Variants in SOX13 observed in about 807,000 individuals in gnomAD.
SOX13 encodes SRY-box transcription factor 13, also known as transcription factor SOX-13.
In SOX13, 28 loss-of-function variants were observed where a neutral mutation model predicts 71.8. The observed-to-expected ratio is 0.39, with a 90% CI of 0.29 to 0.53. SOX13 has a LOEUF of 0.53. Ranked by LOEUF, SOX13 falls within the 20% of genes least tolerant of loss-of-function variation. The pLI, the probability that SOX13 is intolerant of heterozygous loss-of-function variation, is 0.70. For synonymous variants in SOX13, 309 were observed against 317.8 expected, an observed-to-expected ratio of 0.97 and a Z score of 0.29; for missense variants, 627 against 810.3, an observed-to-expected ratio of 0.77 and a Z score of 2.75.
rs201772428 is a variant in SOX13, at chr1:204,122,959, G to A, written c.1130G>A (p.Arg377His). ...ALDGSPNTPF[R>H]KDLISLDSSP... Reference sequence around the variant, plus strand: ...GATGGCTCCCCCAACACCCCCTTCCGTAAGGTATGGTCCCCCACTCCCTTG... The same window carrying A: ...GATGGCTCCCCCAACACCCCCTTCCATAAGGTATGGTCCCCCACTCCCTTG... Residue 377 changes from arginine to histidine, a missense_variant, in exon 10 of 14, where the codon CGT becomes CAT. By Grantham distance (29) the Arg-to-His change is conservative. This residue lies in a region of SOX13 where 447 missense variants were observed against 532.2 expected (regional missense o/e 0.84). Transcript: ENST00000367204. The A allele has an allele frequency of 1.4e-3, 2,136 of 1,578,542 alleles. 2 individuals carry two copies. The highest frequency in any genetic ancestry group is 1.6e-3 in the South Asian group (142 of 87,444).
At chr1:204,124,574 C>A in intron 12 of SOX13, 67 bp from the exon 13 acceptor site, 2 of 1,383,058 alleles carry the variant, frequency 1.4e-6, no homozygotes, top group Non-Finnish European at 2.0e-6. Flanking sequence ...TTCTCAGGTC[C>A]TGCATGGGGC....
At chr1:204,075,907 A>C (rs890445408) in intron 1 of SOX13, among the ~76,000 whole-genome samples, 1 of 152,234 alleles carries the variant, frequency 6.6e-6, no homozygotes, top group African/African-American at 2.4e-5. Flanking sequence ...TACAGAGCCC[A>C]GAAGAGCACT....
intron 1 of SOX13, among the ~76,000 whole-genome samples, chr1:204,076,843 A>G (rs1655795750): frequency 6.6e-6 from 1 of 152,234 alleles, no homozygotes; most frequent in South Asian, 2.1e-4. Context: ...ACCACCTGCT[A>G]TGTGCCAGGG....
At chr1:204,089,316 G>A (rs190218156) in intron 1 of SOX13, among the ~76,000 whole-genome samples, 158 of 152,286 alleles carry the variant, frequency 1.0e-3, no homozygotes, top group Non-Finnish European at 1.9e-3. Flanking sequence ...GTGTGGGGAG[G>A]CACTCCTCTG....
chr1:204,124,624 C>G lies in SOX13; in HGVS notation c.1376-17C>G. ...AGAGCCCAGCACTGACTGCCTGCCC[C>G]TGGGGGGTTGGGTCAGGATCTCGCT... On this transcript the variant is annotated splice_polypyrimidine_tract_variant and intron_variant, in intron 12 of 13. Transcript: ENST00000367204. 1 of 1,597,400 alleles carries G rather than the reference C, an allele frequency of 6.3e-7. No homozygotes were observed. The highest frequency in any genetic ancestry group is 8.5e-7 in the Non-Finnish European group (1 of 1,172,504).
At position 204,116,802 on chromosome 1, in the gene SOX13, G is replaced by A. The variant is rs529911479; in HGVS notation, c.591+123G>A. The A allele has an allele frequency of 1.0e-5, 15 of 1,502,080 alleles. No individual in the cohort carries two copies. The African/African-American group carries it at 1.5e-4, about 15-fold the overall frequency. The allele number at this position is 1,502,080 out of a possible 1,614,324, so 93.0% of individuals were successfully genotyped here. A position where few individuals can be genotyped will look rare whatever the true frequency, so the allele number is the denominator to read the frequency against. On this transcript the variant is annotated intron_variant, in intron 5 of 13. Transcript: ENST00000367204. ...CTGGGGCCTGGGGGCAGGCTGGGCA[G>A]GGTCTGTGGCCAGGGGCTGTAGGAT...
intron 1 of SOX13, among the ~76,000 whole-genome samples, chr1:204,087,214 G>A (rs192381540): frequency 1.1e-3 from 170 of 152,338 alleles, no homozygotes; most frequent in African/African-American, 3.9e-3. Flanking sequence ...GAGCCACCGC[G>A]CCCAGCTTTT....
At chr1:204,118,041 C>G (rs1656729685) in intron 7 of SOX13, 1 of 207,914 alleles carries the variant, frequency 4.8e-6, no homozygotes, top group African/African-American at 2.3e-5. Flanking sequence ...AATCCCAGCA[C>G]TTTGGGAGGC....
intron 1 of SOX13, among the ~76,000 whole-genome samples, chr1:204,103,383 G>A (rs1212310471): frequency 6.6e-6 from 1 of 152,224 alleles, no homozygotes; most frequent in Non-Finnish European, 1.5e-5. Context: ...TAAATGAAAG[G>A]ATGTGGATTT....
In SOX13 at chr1:204,116,705, T is replaced by C. The variant is rs559738133; in HGVS notation, c.591+26T>C. The C allele has an allele frequency of 3.5e-5, 56 of 1,610,130 alleles. No individual in the cohort carries two copies. The South Asian group carries it at 6.0e-4, about 17-fold the overall frequency. ...GTAGGTCCTGTTCGGTGGGTGTAGC[T>C]TTCTTTCCAGGAAAAGGAGTGTGTC... On this transcript the variant is annotated intron_variant, in intron 5 of 13. Transcript: ENST00000367204.
chr1:204,100,471 G>A (rs762964373), intron 1 of SOX13, among the ~76,000 whole-genome samples: 17 of 152,150 alleles, frequency 1.1e-4, no homozygotes, highest in Non-Finnish European at 2.1e-4. Flanking sequence ...GTGAAAGCTG[G>A]CTGCTTTGGG....
chr1:204,114,124 C>A (rs1033168305), intron 2 of SOX13, among the ~76,000 whole-genome samples, 197 bp from the exon 3 acceptor site: 8 of 152,196 alleles, frequency 5.3e-5, no homozygotes, highest in African/African-American at 1.7e-4. Context: ...AAACCCAGGT[C>A]TTTTGTTTTG....
At chr1:204,087,504 C>G (rs1187906470) in intron 1 of SOX13, among the ~76,000 whole-genome samples, 1 of 152,222 alleles carries the variant, frequency 6.6e-6, no homozygotes, top group Non-Finnish European at 1.5e-5. Flanking sequence ...TCTCCCCTTT[C>G]TGTCTGTGCT....
At position 204,122,311 on chromosome 1, in the gene SOX13, C is replaced by A; in HGVS notation, c.936C>A (p.Ser312Arg). Residue 312 changes from serine (S) to arginine (R), a missense_variant, in exon 9 of 14, where the codon AGC becomes AGA. Ser to Arg is a moderately radical substitution (Grantham distance 110). This residue lies in a region of SOX13 where 447 missense variants were observed against 532.2 expected (regional missense o/e 0.84). Transcript: ENST00000367204. The part of the protein sequence containing the change: ...PELPNTSSSP[S>R]LKMSSCVPRP... ...TGCCCAACACCTCCAGCTCCCCAAG[C>A]CTGAAGATGAGCAGCTGTGTGCCCC... The A allele has an allele frequency of 1.3e-6, 2 of 1,581,810 alleles. No homozygotes were observed. The highest frequency in any genetic ancestry group is 1.8e-5 in the Admixed American group (1 of 55,562).
chr1:204,076,365 G>A (rs181440454), intron 1 of SOX13, among the ~76,000 whole-genome samples: 568 of 152,300 alleles, frequency 3.7e-3, no homozygotes, highest in African/African-American at 0.013. Context: ...AATGGGCTGG[G>A]ACTGTCCCAG....
intron 12 of SOX13, among the ~76,000 whole-genome samples, chr1:204,124,383 G>A (rs1272010013): frequency 6.6e-6 from 1 of 152,252 alleles, no homozygotes; most frequent in Non-Finnish European, 1.5e-5. Context: ...AGAGGCTCAA[G>A]GAAGTTGCTG....
rs1656886359 is a variant in SOX13 at position 204,124,810 on chromosome 1, C to T, written c.1545C>T (p.Ala515=). ...GGCTGCGCGTGGGAGAGTACAAGGC[C>T]CTGATGAGGACCCGGCGTCAGGATG... ...GKRLRVGEYK[A]LMRTRRQDAR... Residue 515 remains alanine (A), a synonymous_variant, in exon 13 of 14, where the codon GCC becomes GCT. Transcript: ENST00000367204. 3 of 1,590,834 alleles carry T rather than the reference C, an allele frequency of 1.9e-6. No individual in the cohort carries two copies. The highest frequency in any genetic ancestry group is 2.3e-5 in the South Asian group (2 of 87,244).
At chr1:204,122,826 C>G (rs1411790419) in intron 9 of SOX13, 28 bp from the exon 10 acceptor site, 2 of 1,403,706 alleles carry the variant, frequency 1.4e-6, no homozygotes, top group Non-Finnish European at 2.0e-6. Context: ...TCTCGCTTCT[C>G]TTCCCTCTCT....
In SOX13 at chr1:204,075,261, C is replaced by T. The variant is rs897810295; in HGVS notation, c.-2+1550C>T. Among the ~76,000 whole-genome samples, 4 of 152,210 alleles carry T rather than the reference C, an allele frequency of 2.6e-5. No homozygotes were observed. In the South Asian group the frequency reaches 6.2e-4, roughly 24 times the overall value. On this transcript the variant is annotated intron_variant, in intron 1 of 13. Transcript: ENST00000367204. Reference sequence around the variant, plus strand: ...GGCGTGGGGCTGTCTCCCTGCCTACCGCGGTTGTGCTTTCGGACTCGTCCG... The same window carrying T: ...GGCGTGGGGCTGTCTCCCTGCCTACTGCGGTTGTGCTTTCGGACTCGTCCG...
Sources: allele counts gnomAD v4.1 joint callset (sites outside exome capture counted in the v4.1 genomes callset), GRCh38; gene constraint gnomAD v4.1.1; regional missense constraint gnomAD v4.1.1; transcripts MANE v1.5; gene names NCBI Gene and HGNC (gene_info 2026-07-23, HGNC 2026-07-21).